ARHGAP17: variants seen among roughly 807,000 people sequenced by gnomAD.
ARHGAP17 encodes the protein rho GTPase-activating protein 17.
ARHGAP17 carries 57 observed loss-of-function variants against 99.5 expected under a neutral mutation model. The ratio of observed to expected loss-of-function variants is 0.57; its 90% CI spans 0.46 to 0.71. The LOEUF is 0.71. Among genes scored for constraint, ARHGAP17 ranks in the 30% least tolerant of loss-of-function variants. ARHGAP17 has a pLI of 0.00. For missense variants in ARHGAP17, 1,000 were observed against 1,122.4 expected, an observed-to-expected ratio of 0.89 and a Z score of 1.56; for synonymous variants, 417 against 429.6, an observed-to-expected ratio of 0.97 and a Z score of 0.36.
chr16:24,934,295 G>C (rs1003241207), intron 18 of ARHGAP17, among the ~76,000 whole-genome samples: 2 of 152,010 alleles, frequency 1.3e-5, no homozygotes, highest in African/African-American at 4.8e-5. Flanking sequence ...TGAGTAGCTG[G>C]GACCACAGGC....
At chr16:24,972,969 C>G (rs1287724404) in intron 3 of ARHGAP17, among the ~76,000 whole-genome samples, 1 of 149,544 alleles carries the variant, frequency 6.7e-6, no homozygotes, top group Non-Finnish European at 1.5e-5. Flanking sequence ...GGGTCTGGCT[C>G]TGTTGCCCAG....
At chr16:24,948,882 T>C (rs1567223410) in intron 13 of ARHGAP17, 1 of 152,000 alleles carries the variant, frequency 6.6e-6, no homozygotes, top group African/African-American at 2.4e-5. Context: ...AGTTACATAT[T>C]AAGTCAAAAG....
rs372341481 is a variant in ARHGAP17, at chr16:24,930,908, C to T, written c.2391G>A (p.Pro797=). The T allele has an allele frequency of 2.0e-5, 32 of 1,613,640 alleles. No individual in the cohort carries two copies. Among genetic ancestry groups the T allele is most frequent in the South Asian group, 1.3e-4 (12 of 91,058 alleles). ...GGTTCCTTGGCTTTGGTACTGGTCT[C>T]GGTCTCGGTAAGGTTCCAGCATGTG... ...AQPHAGTLPR[P]RPVPKPRNRP... Residue 797 remains proline (P), a synonymous_variant, in exon 19 of 20, where the codon CCG becomes CCA. Transcript: ENST00000289968.
intron 1 of ARHGAP17, among the ~76,000 whole-genome samples, chr16:25,012,301 T>A (rs1448312163): frequency 2.6e-5 from 4 of 152,170 alleles, no homozygotes; most frequent in East Asian, 1.9e-4. Context: ...AACTGCATCA[T>A]GCGAACTCAT....
At chr16:24,996,559 G>A (rs1245932742) in intron 1 of ARHGAP17, among the ~76,000 whole-genome samples, 1 of 152,054 alleles carries the variant, frequency 6.6e-6, no homozygotes, top group African/African-American at 2.4e-5. Flanking sequence ...ACCCACTAAA[G>A]CATGTTCAGA....
intron 16 of ARHGAP17, 72 bp downstream of exon 16, chr16:24,941,915 T>C (rs1438345544): frequency 4.4e-6 from 7 of 1,605,426 alleles, no homozygotes; most frequent in Non-Finnish European, 6.0e-6. Context: ...CCAAGTCCAC[T>C]GAGCGATACC....
chr16:24,964,064 A>G, intron 7 of ARHGAP17, 133 bp downstream of exon 7: 1 of 578,846 alleles, frequency 1.7e-6, no homozygotes, highest in Non-Finnish European at 2.9e-6. Context: ...AGAAGAAGAA[A>G]ATAAAACCTA....
At position 24,919,650 on chromosome 16, in the gene ARHGAP17, A is replaced by G. The variant is rs1163916848; in HGVS notation, c.*480T>C. ...CATACATGATACAAAATGATTCTGCAGCAAGTCTGAAGGAGCGCAGCCTCC... is the reference window on the plus strand; with the variant it reads ...CATACATGATACAAAATGATTCTGCGGCAAGTCTGAAGGAGCGCAGCCTCC... On this transcript the variant is annotated 3_prime_UTR_variant, in exon 20 of 20. Transcript: ENST00000289968. 2 of 153,162 alleles carry G rather than the reference A, an allele frequency of 1.3e-5. No individual in the cohort carries two copies. The highest frequency in any genetic ancestry group is 2.9e-5 in the Non-Finnish European group (2 of 68,492). The allele number at this position is 153,162 out of a possible 1,614,324, so 9.5% of individuals were successfully genotyped here.
At chr16:24,989,989 T>G (rs1409194256) in intron 1 of ARHGAP17, among the ~76,000 whole-genome samples, 1 of 152,198 alleles carries the variant, frequency 6.6e-6, no homozygotes, top group Non-Finnish European at 1.5e-5. Flanking sequence ...TTAGTGTGTA[T>G]TTTCAAAAAT....
Position 24,955,557 on chromosome 16 carries a change from T to C in ARHGAP17, c.725-827A>G, listed in dbSNP as rs1049410076. On this transcript the variant is annotated intron_variant, in intron 9 of 19. Coordinates refer to ENST00000289968, the MANE Select transcript of ARHGAP17 (RefSeq NM_001006634.3). This position sits in a 1 kb window ranked among gnomAD's most constrained non-coding sequence, Gnocchi z 4.0. ...TGCAAGCTGCAGAGATCTAGTGCTA[T>C]CTGAGCAGCTCGCAGAAGCAAAGGA... The C allele has an allele frequency of 6.6e-5, 10 of 152,222 alleles. No homozygotes were observed. The highest frequency in any genetic ancestry group is 1.2e-4 in the Non-Finnish European group (8 of 68,050). 9.4% of individuals were successfully genotyped at this position (152,222 alleles called of 1,614,324 possible).
At chr16:25,005,765 G>C (rs1001960568) in intron 1 of ARHGAP17, among the ~76,000 whole-genome samples, 1 of 152,138 alleles carries the variant, frequency 6.6e-6, no homozygotes, top group African/African-American at 2.4e-5. Context: ...GAACTTAGTG[G>C]AAAAAATTTA....
chr16:24,971,306 C>G (rs1407379699), intron 3 of ARHGAP17, among the ~76,000 whole-genome samples: 1 of 150,366 alleles, frequency 6.7e-6, no homozygotes, highest in East Asian at 1.9e-4. Context: ...AAAGCTTTTG[C>G]TAGAACACTC....
chr16:25,014,552 A>T (rs1011293532), intron 1 of ARHGAP17, among the ~76,000 whole-genome samples: 32 of 152,324 alleles, frequency 2.1e-4, no homozygotes, highest in African/African-American at 7.5e-4. Flanking sequence ...CGTCTCCATA[A>T]TCCTTTTCCG....
intron 1 of ARHGAP17, among the ~76,000 whole-genome samples, chr16:24,992,285 C>G (rs1203860922): frequency 6.6e-6 from 1 of 152,124 alleles, no homozygotes; most frequent in South Asian, 2.1e-4. Context: ...AGAACACAGA[C>G]CCAGAGCCCA....
At chr16:24,938,905 A>G (rs1393055994) in intron 17 of ARHGAP17, among the ~76,000 whole-genome samples, 2 of 152,206 alleles carry the variant, frequency 1.3e-5, no homozygotes, top group Non-Finnish European at 2.9e-5. Context: ...TGTGCCTAGC[A>G]CATATCAGTG....
intron 4 of ARHGAP17, among the ~76,000 whole-genome samples, chr16:24,969,949 A>G (rs2052310564): frequency 6.6e-6 from 1 of 152,232 alleles, no homozygotes; most frequent in Non-Finnish European, 1.5e-5. Flanking sequence ...GCTAGAGAAC[A>G]CCAGCCTTGC....
chr16:24,959,687 T>A lies in ARHGAP17; in HGVS notation c.708A>T (p.Glu236Asp), dbSNP rs767811802. The stretch of plus-strand genomic sequence containing the variant: ...TTACATTACCTTGATGGGCTCGCAT[T>A]TCGGGGAGGGTCTTTTCTAAGACTG... ...ALAVLEKTLP[E>D]MRAHQDKWAE... The change falls in exon 9 of 20, where the codon GAA (glutamate) becomes GAT (aspartate). Residue 236 changes from glutamate (E) to aspartate (D), a missense_variant. Physicochemically the swap from Glu to Asp is conservative, Grantham distance 45. Coordinates refer to ENST00000289968, the MANE Select transcript of ARHGAP17 (RefSeq NM_001006634.3). 1 of 1,614,086 alleles carries A rather than the reference T, an allele frequency of 6.2e-7. No homozygotes were observed. Among genetic ancestry groups the A allele is most frequent in the Admixed American group, 1.7e-5 (1 of 60,008 alleles).
chr16:24,920,068 T>G lies in ARHGAP17; in HGVS notation c.*62A>C. On this transcript the variant is annotated 3_prime_UTR_variant, in exon 20 of 20. Coordinates refer to ENST00000289968, the MANE Select transcript of ARHGAP17 (RefSeq NM_001006634.3). The stretch of plus-strand genomic sequence containing the variant: ...ACTGTTCGGTCTGCAAAGAAAGAGG[T>G]TCGCCTGCCCCTGCTCCACTCGCCA... 2.5e-6 allele frequency: 4 copies of G among 1,583,216 alleles called. No individual in the cohort carries two copies. The highest frequency in any genetic ancestry group is 3.4e-6 in the Non-Finnish European group (4 of 1,160,728).
At chr16:24,924,730 G>A (rs557865444) in intron 19 of ARHGAP17, among the ~76,000 whole-genome samples, 9 of 152,202 alleles carry the variant, frequency 5.9e-5, no homozygotes, top group African/African-American at 2.2e-4. Flanking sequence ...GAGCACGGTA[G>A]TGAGTGCCTG....
Sources: allele counts gnomAD v4.1 joint callset (sites outside exome capture counted in the v4.1 genomes callset), GRCh38; gene constraint gnomAD v4.1.1; non-coding constraint Gnocchi (gnomAD v3.1); transcripts MANE v1.5; gene names NCBI Gene and HGNC (gene_info 2026-07-23, HGNC 2026-07-21).